SNTG2: variants seen among roughly 807,000 people sequenced by gnomAD.
The protein encoded by SNTG2 is syntrophin gamma 2.
Under a neutral mutation model 70.9 loss-of-function variants are expected in SNTG2, and 74 were observed. The observed-to-expected ratio is 1.04, with a 90% CI of 0.86 to 1.27. The LOEUF is 1.27. Among genes scored for constraint, SNTG2 ranks in the 50% most tolerant of loss-of-function variants. SNTG2 has a pLI of 0.00. For synonymous variants in SNTG2, 278 were observed against 273.8 expected (o/e 1.02, Z -0.15); for missense variants, 717 against 690.7 (o/e 1.04, Z -0.43).
chr2:1,292,155 A>G (rs1484166202), intron 14 of SNTG2, among the ~76,000 whole-genome samples: 1 of 152,182 alleles, frequency 6.6e-6, no homozygotes, highest in Non-Finnish European at 1.5e-5. Context: ...AGCATATAGA[A>G]ATAAAACTGA....
intron 6 of SNTG2, among the ~76,000 whole-genome samples, chr2:1,140,979 G>A (rs1392043024): frequency 6.6e-6 from 1 of 152,214 alleles, no homozygotes; most frequent in Non-Finnish European, 1.5e-5. Flanking sequence ...CTGCCTGTAG[G>A]TGATTTTGAA....
chr2:962,124 G>C (rs550413707), intron 1 of SNTG2, among the ~76,000 whole-genome samples: 1 of 152,328 alleles, frequency 6.6e-6, no homozygotes, highest in African/African-American at 2.4e-5. Flanking sequence ...GAGTGCAGTG[G>C]CATGATCATA....
intron 4 of SNTG2, among the ~76,000 whole-genome samples, chr2:1,116,546 G>C (rs1017701579): frequency 6.6e-6 from 1 of 151,018 alleles, no homozygotes; most frequent in Non-Finnish European, 1.5e-5. Context: ...GAGTGCCCTG[G>C]TGTGTGGGTG....
chr2:1,222,152 C>CTCTGT (rs1675261644), intron 9 of SNTG2, among the ~76,000 whole-genome samples: 1 of 128,244 alleles, frequency 7.8e-6, no homozygotes, highest in Non-Finnish European at 1.7e-5. Context: ...TCTGTCTCTG[C>CTCTGT]CTATCTCTGT....
chr2:1,211,427 C>G (rs933227531), intron 9 of SNTG2, among the ~76,000 whole-genome samples: 1 of 152,146 alleles, frequency 6.6e-6, no homozygotes, highest in African/African-American at 2.4e-5. Context: ...GAATTCAGGT[C>G]ATAAGATGGA....
chr2:1,044,846 G>A (rs1026891987), intron 1 of SNTG2, among the ~76,000 whole-genome samples: 13 of 151,898 alleles, frequency 8.6e-5, no homozygotes, highest in African/African-American at 7.3e-5. Context: ...TTGGACTGAC[G>A]TTTTCTTTTT....
chr2:1,319,668 G>A (rs941403363), intron 16 of SNTG2, among the ~76,000 whole-genome samples: 2 of 152,246 alleles, frequency 1.3e-5, no homozygotes, highest in Non-Finnish European at 2.9e-5. Context: ...AGGGGACACA[G>A]ATGAGGATGA....
chr2:986,829 T>C (rs1661339310), intron 1 of SNTG2, among the ~76,000 whole-genome samples: 1 of 152,222 alleles, frequency 6.6e-6, no homozygotes, highest in African/African-American at 2.4e-5. Flanking sequence ...ATAGAACATA[T>C]TAGAAAAACC....
chr2:1,229,351 A>C (rs908103538), intron 9 of SNTG2, among the ~76,000 whole-genome samples: 2 of 152,302 alleles, frequency 1.3e-5, no homozygotes, highest in Admixed American at 1.3e-4. Context: ...AGGCCCCACT[A>C]GAGTAGCTAG....
rs540802195 is a variant in SNTG2 at position 1,159,531 on chromosome 2, C to G, written c.412-6017C>G. ...TAAAGGAAAAAATACACAATAGTAA[C>G]GTGAAAAATATTGAAGAACTTTGTA... is the stretch of plus-strand genomic sequence containing the variant. On this transcript the variant is annotated intron_variant, in intron 6 of 16. Transcript: ENST00000308624. The G allele has an allele frequency of 4.6e-5, 7 of 152,044 alleles. No homozygotes were observed. In the East Asian group the frequency reaches 1.4e-3, roughly 29 times the overall value. The allele number at this position is 152,044 out of a possible 1,614,324, so 9.4% of individuals were successfully genotyped here.
chr2:1,206,986 C>A (rs148532877), intron 8 of SNTG2, among the ~76,000 whole-genome samples: 1 of 152,300 alleles, frequency 6.6e-6, no homozygotes, highest in African/African-American at 2.4e-5. Context: ...GCTAAACACA[C>A]AGCAGCATTA....
intron 2 of SNTG2, among the ~76,000 whole-genome samples, chr2:1,088,779 T>G (rs1012187939): frequency 3.3e-5 from 5 of 152,216 alleles, no homozygotes; most frequent in African/African-American, 1.2e-4. Flanking sequence ...TGGGAGGATA[T>G]CCTTCTTACG....
chr2:1,120,338 C>T (rs1274287000), intron 4 of SNTG2, among the ~76,000 whole-genome samples: 1 of 152,078 alleles, frequency 6.6e-6, no homozygotes, highest in Non-Finnish European at 1.5e-5. Flanking sequence ...CCTTATCTAT[C>T]AATCACCTTG....
chr2:1,367,550 T>G lies in SNTG2; in HGVS notation c.*76T>G, dbSNP rs980250696. 3.3e-6 allele frequency: 5 copies of G among 1,496,992 alleles called. No homozygotes were observed. In the African/African-American group the frequency reaches 7.0e-5, roughly 21 times the overall value. The allele number at this position is 1,496,992 out of a possible 1,614,324, so 92.7% of individuals were successfully genotyped here. On this transcript the variant is annotated 3_prime_UTR_variant, in exon 17 of 17. Coordinates refer to ENST00000308624, the MANE Select transcript of SNTG2 (RefSeq NM_018968.4). ...ATTCTTTCCTGCAGAATATTGCAAC[T>G]TTGTGTTGTTTTATGATGAGCCTAT...
chr2:1,109,779 T>C (rs1437189679), intron 4 of SNTG2, among the ~76,000 whole-genome samples: 1 of 152,234 alleles, frequency 6.6e-6, no homozygotes, highest in Non-Finnish European at 1.5e-5. Flanking sequence ...ATCTGTAAGA[T>C]AGGCCTGGGC....
Position 1,165,622 on chromosome 2 carries a change from G to C in SNTG2, c.486G>C (p.Leu162=). Residue 162 remains leucine, a synonymous_variant, in exon 7 of 17, where the codon CTG becomes CTC. Transcript: ENST00000308624. The stretch of plus-strand genomic sequence containing the variant: ...ATCTCAGGGAAGCGCCGGCATTTCT[G>C]AAGCTCCCGTTAGGTAAGTGGGAAG... ...VEYLREAPAF[L]KLPLGSPGPS... 6.2e-7 allele frequency: 1 copy of C among 1,612,926 alleles called. No individual in the cohort carries two copies. The highest frequency in any genetic ancestry group is 8.5e-7 in the Non-Finnish European group (1 of 1,179,556).
chr2:1,263,311 A>G (rs1435673949), intron 13 of SNTG2, among the ~76,000 whole-genome samples: 2 of 152,170 alleles, frequency 1.3e-5, no homozygotes, highest in Admixed American at 1.3e-4. Context: ...ACAAATTCAC[A>G]TTGCATGAAA....
chr2:1,237,747 T>C (rs1572833782), intron 9 of SNTG2, 141 bp from the exon 10 acceptor site: 2 of 1,058,776 alleles, frequency 1.9e-6, no homozygotes, highest in African/African-American at 3.2e-5. Context: ...CTGACTGTAC[T>C]GAGGCGCCTG....
chr2:1,003,425 C>G (rs779308296), intron 1 of SNTG2, among the ~76,000 whole-genome samples: 26 of 152,058 alleles, frequency 1.7e-4, no homozygotes, highest in Non-Finnish European at 2.9e-4. Context: ...GGTGTCAGCC[C>G]CCAAACTCTG....
Sources: gnomAD v4.1 joint callset for allele counts (sites outside exome capture counted in the v4.1 genomes callset) on GRCh38, gnomAD v4.1.1 for gene constraint, MANE v1.5 for transcripts, NCBI Gene and HGNC (gene_info 2026-07-23, HGNC 2026-07-21) for gene names.